Variants in PRKCB observed in about 807,000 individuals in gnomAD.
The protein encoded by PRKCB is protein kinase C beta type.
In PRKCB, 13 loss-of-function variants were observed where a neutral mutation model predicts 81.5. The ratio of observed to expected loss-of-function variants is 0.16; its 90% CI spans 0.10 to 0.25. The LOEUF is 0.25. Ranked by LOEUF, PRKCB falls within the 10% of genes least tolerant of loss-of-function variation. The pLI, the probability that PRKCB is intolerant of heterozygous loss-of-function variation, is 1.00. For synonymous variants in PRKCB, 335 were observed against 321.4 expected, an observed-to-expected ratio of 1.04 and a Z score of -0.45; for missense variants, 509 against 875.7, an observed-to-expected ratio of 0.58 and a Z score of 5.29.
chr16:24,207,895 A>G (rs538030114), intron 16 of PRKCB, among the ~76,000 whole-genome samples: 1 of 152,314 alleles, frequency 6.6e-6, no homozygotes, highest in East Asian at 1.9e-4. Flanking sequence ...GTCACCTCCA[A>G]GAGTTCATGA....
chr16:23,891,032 A>ATG (rs1480604694), intron 2 of PRKCB, among the ~76,000 whole-genome samples: 1 of 145,018 alleles, frequency 6.9e-6, no homozygotes, highest in Non-Finnish European at 1.5e-5. Context: ...TATATATATA[A>ATG]TGTGTGTGTA....
Position 23,962,327 on chromosome 16 carries a change from T to C in PRKCB, c.206-26181T>C, listed in dbSNP as rs116650263. On this transcript the variant is annotated intron_variant, in intron 2 of 16. Coordinates refer to ENST00000643927, the MANE Select transcript of PRKCB (RefSeq NM_002738.7). ...GTCAGTGGTGCCAGTTGGGTTTCCA[T>C]CTCTCCCTCATCCGTCCCAACCCCC... 8.1e-3 allele frequency among the ~76,000 whole-genome samples: 1,235 copies of C among 152,252 alleles called. 15 individuals are homozygous for C. The highest frequency in any genetic ancestry group is 0.028 in the African/African-American group (1,159 of 41,532).
At chr16:23,862,589 A>G (rs1274786503) in intron 2 of PRKCB, among the ~76,000 whole-genome samples, 2 of 152,186 alleles carry the variant, frequency 1.3e-5, no homozygotes, top group African/African-American at 4.8e-5. Context: ...GAGTAATTTC[A>G]GGAAAAAATT....
chr16:24,189,660 A>G (rs943547711), intron 15 of PRKCB, among the ~76,000 whole-genome samples: 24 of 151,564 alleles, frequency 1.6e-4, no homozygotes, highest in Non-Finnish European at 8.8e-5. Context: ...AAAAAAAAAA[A>G]AAGAAGTAGC....
chr16:24,019,141 A>G (rs1183192057), intron 3 of PRKCB, among the ~76,000 whole-genome samples: 3 of 150,842 alleles, frequency 2.0e-5, no homozygotes, highest in East Asian at 1.9e-4. Context: ...TCTTGCCTCC[A>G]TAGATGAACA....
chr16:23,982,705 A>C (rs1402268220), intron 2 of PRKCB, among the ~76,000 whole-genome samples: 1 of 152,146 alleles, frequency 6.6e-6, no homozygotes, highest in Non-Finnish European at 1.5e-5. Context: ...CTAGGATTAT[A>C]GGTGTGAGCC....
chr16:24,072,190 A>G (rs921018967), intron 5 of PRKCB, among the ~76,000 whole-genome samples: 9 of 152,152 alleles, frequency 5.9e-5, no homozygotes, highest in African/African-American at 2.2e-4. Flanking sequence ...CCATCATTCC[A>G]AAATAAAGCC....
chr16:23,943,521 T>C (rs181194511), intron 2 of PRKCB, among the ~76,000 whole-genome samples: 11 of 151,238 alleles, frequency 7.3e-5, no homozygotes, highest in Admixed American at 2.0e-4. Context: ...AGAGTGAGAC[T>C]CTCTCTCTCT....
intron 9 of PRKCB, among the ~76,000 whole-genome samples, chr16:24,144,177 G>C (rs951099170): frequency 6.6e-6 from 1 of 152,068 alleles, no homozygotes; most frequent in Non-Finnish European, 1.5e-5. Context: ...AGAAAAGAGG[G>C]AGAGAAAAAA....
Position 24,217,435 on chromosome 16 carries a change from CAGT to C in PRKCB, c.*2622_*2624del. 1 of 985,378 alleles carries C rather than the reference CAGT, an allele frequency of 1.0e-6. No homozygotes were observed. Among genetic ancestry groups the C allele is most frequent in the Non-Finnish European group, 1.2e-6 (1 of 829,924 alleles). The allele number at this position is 985,378 out of a possible 1,614,324, so 61.0% of individuals were successfully genotyped here. ...CCTTCTTGGGGGATTAATGGGAGGT[CAGT>C]AGAATTAATAACCCTCCTTGGATGA... On this transcript the variant is annotated 3_prime_UTR_variant, in exon 17 of 17. Transcript: ENST00000643927.
intron 2 of PRKCB, among the ~76,000 whole-genome samples, chr16:23,912,840 T>TTTA (rs59682849): frequency 0.071 from 10,568 of 148,052 alleles, 745 homozygotes; most frequent in African/African-American, 0.18. Flanking sequence ...TTATTTATTT[T>TTTA]TTGATATGGA....
chr16:24,192,717 A>T (rs922738600), intron 16 of PRKCB, among the ~76,000 whole-genome samples: 1 of 152,186 alleles, frequency 6.6e-6, no homozygotes, highest in African/African-American at 2.4e-5. Flanking sequence ...ATCAGTATGC[A>T]GTGTCAGAGC....
At chr16:23,929,489 A>G (rs1963942128) in intron 2 of PRKCB, among the ~76,000 whole-genome samples, 2 of 152,058 alleles carry the variant, frequency 1.3e-5, no homozygotes, top group Admixed American at 6.5e-5. Flanking sequence ...TACCTCATAG[A>G]GGGTTGTGAA....
intron 3 of PRKCB, among the ~76,000 whole-genome samples, chr16:24,028,173 C>T (rs1434748959): frequency 2.0e-5 from 3 of 152,174 alleles, no homozygotes; most frequent in African/African-American, 7.2e-5. Flanking sequence ...ACTGCAACCT[C>T]TGCCTCTTGG....
At chr16:24,133,123 A>G (rs1464023770) in intron 9 of PRKCB, among the ~76,000 whole-genome samples, 1 of 152,086 alleles carries the variant, frequency 6.6e-6, no homozygotes, top group African/African-American at 2.4e-5. Context: ...CACACCTTTA[A>G]TCTCAGTGCT....
intron 16 of PRKCB, among the ~76,000 whole-genome samples, chr16:24,214,363 C>T (rs1445801561): frequency 6.6e-6 from 1 of 152,028 alleles, no homozygotes; most frequent in African/African-American, 2.4e-5. Context: ...TGCCTCTGGC[C>T]CCACCATCTC....
At chr16:24,029,664 A>G (rs1023083767) in intron 3 of PRKCB, among the ~76,000 whole-genome samples, 4 of 125,484 alleles carry the variant, frequency 3.2e-5, no homozygotes, top group African/African-American at 5.6e-5. Flanking sequence ...CACTCATCAC[A>G]TTAACAGCAC....
intron 15 of PRKCB, 132 bp downstream of exon 15, chr16:24,185,699 A>G: frequency 2.2e-5 from 16 of 723,840 alleles, no homozygotes; most frequent in Non-Finnish European, 3.3e-5. Context: ...CCAATATGAG[A>G]ACCCTGATGT....
chr16:24,145,056 G>T (rs1420390091), intron 9 of PRKCB, among the ~76,000 whole-genome samples: 1 of 152,200 alleles, frequency 6.6e-6, no homozygotes, highest in African/African-American at 2.4e-5. Context: ...TAGAGAAGGT[G>T]GTAGGGAGGG....
Sources: allele counts gnomAD v4.1 joint callset (sites outside exome capture counted in the v4.1 genomes callset), GRCh38; gene constraint gnomAD v4.1.1; transcripts MANE v1.5; gene names NCBI Gene and HGNC (gene_info 2026-07-23, HGNC 2026-07-21).